The following PRKG2 variants were observed in gnomAD, a reference collection of about 807,000 sequenced individuals.
The protein encoded by PRKG2 is cGMP-dependent protein kinase 2.
Under a neutral mutation model 97.2 loss-of-function variants are expected in PRKG2, and 33 were observed. The ratio of observed to expected loss-of-function variants is 0.34; its 90% CI spans 0.26 to 0.45. The LOEUF is 0.45. Ranked by LOEUF, PRKG2 falls within the 20% of genes least tolerant of loss-of-function variation. The pLI, the probability that PRKG2 is intolerant of heterozygous loss-of-function variation, is 1.00. For missense variants in PRKG2, 638 were observed against 900.0 expected (o/e 0.71, Z 3.73); for synonymous variants, 330 against 321.8 (o/e 1.03, Z -0.27).
At chr4:81,093,846 T>C (rs185715704) in intron 17 of PRKG2, among the ~76,000 whole-genome samples, 1 of 152,216 alleles carries the variant, frequency 6.6e-6, no homozygotes, top group East Asian at 1.9e-4. Flanking sequence ...ATAGAAACAA[T>C]CTACTCTGTC....
intron 2 of PRKG2, among the ~76,000 whole-genome samples, chr4:81,198,034 C>A (rs973047067): frequency 6.6e-6 from 1 of 152,202 alleles, no homozygotes; most frequent in Non-Finnish European, 1.5e-5. Flanking sequence ...ATGTAGCCCA[C>A]AAGGCGAGGG....
chr4:81,115,503 T>G (rs1744428347), intron 14 of PRKG2, among the ~76,000 whole-genome samples: 1 of 152,208 alleles, frequency 6.6e-6, no homozygotes, highest in South Asian at 2.1e-4. Flanking sequence ...TCACAAAAAG[T>G]TCTGCTGGAA....
intron 3 of PRKG2, 35 bp from the exon 4 acceptor site, chr4:81,171,839 A>G (rs1750507436): frequency 7.0e-7 from 1 of 1,433,290 alleles, no homozygotes; most frequent in Non-Finnish European, 9.7e-7. Context: ...ACACACACAA[A>G]TAATCGAAAT....
intron 2 of PRKG2, among the ~76,000 whole-genome samples, chr4:81,198,557 T>G (rs755693275): frequency 4.0e-5 from 6 of 151,792 alleles, no homozygotes; most frequent in Non-Finnish European, 8.8e-5. Context: ...CCACTCACAC[T>G]GTAGGCTGCA....
intron 2 of PRKG2, among the ~76,000 whole-genome samples, chr4:81,198,568 C>T (rs1753106884): frequency 6.6e-6 from 1 of 152,054 alleles, no homozygotes; most frequent in Non-Finnish European, 1.5e-5. Context: ...GTAGGCTGCA[C>T]AGGCTATAAA....
chr4:81,117,864 ACATAAAGATT>A (rs1421460300), intron 14 of PRKG2, among the ~76,000 whole-genome samples: 1 of 152,224 alleles, frequency 6.6e-6, no homozygotes, highest in Non-Finnish European at 1.5e-5. Flanking sequence ...TCCACCTGTT[ACATAAAGATT>A]CACTCTTAGT....
intron 6 of PRKG2, among the ~76,000 whole-genome samples, chr4:81,161,515 G>C (rs1749591086): frequency 6.6e-6 from 1 of 152,140 alleles, no homozygotes; most frequent in Non-Finnish European, 1.5e-5. Flanking sequence ...GGAGCTCAAG[G>C]TATCAATAGG....
intron 15 of PRKG2, 49 bp from the exon 16 acceptor site, chr4:81,105,984 A>C (rs201351164): frequency 6.3e-5 from 98 of 1,563,316 alleles, no homozygotes; most frequent in Non-Finnish European, 8.3e-5. Context: ...AGGGTCTGAG[A>C]TCACATTTGG....
At chr4:81,128,603 A>G (rs1198425174) in intron 14 of PRKG2, among the ~76,000 whole-genome samples, 2 of 152,106 alleles carry the variant, frequency 1.3e-5, no homozygotes, top group Middle Eastern at 3.2e-3. Flanking sequence ...TAGATTTTCT[A>G]GTTTATTTGC....
intron 14 of PRKG2, among the ~76,000 whole-genome samples, chr4:81,121,825 C>T (rs557867867): frequency 1.3e-5 from 2 of 152,160 alleles, no homozygotes; most frequent in African/African-American, 2.4e-5. Context: ...AAGCAACATG[C>T]TAAGTTCAAC....
At chr4:81,106,008 T>TCTTC in intron 15 of PRKG2, 73 bp from the exon 16 acceptor site, 1 of 1,500,914 alleles carries the variant, frequency 6.7e-7, no homozygotes, top group Non-Finnish European at 9.0e-7. Context: ...GAATTTTCTT[T>TCTTC]CTTCCTTCTT....
At chr4:81,199,797 C>A (rs1030209050) in intron 2 of PRKG2, among the ~76,000 whole-genome samples, 2 of 152,170 alleles carry the variant, frequency 1.3e-5, no homozygotes, top group Non-Finnish European at 2.9e-5. Context: ...TTCCACAGTC[C>A]TTTTCCACAT....
chr4:81,160,555 G>T (rs1749522028), intron 6 of PRKG2, among the ~76,000 whole-genome samples: 2 of 152,044 alleles, frequency 1.3e-5, no homozygotes, highest in Non-Finnish European at 2.9e-5. Flanking sequence ...ATGGATATTA[G>T]GAAAATTACC....
At chr4:81,144,417 G>A in intron 9 of PRKG2, 87 bp from the exon 10 acceptor site, 2 of 981,034 alleles carry the variant, frequency 2.0e-6, no homozygotes, top group Non-Finnish European at 1.6e-6. Flanking sequence ...AACACAAGCT[G>A]GTTATTCCTG....
chr4:81,104,530 A>AG, intron 16 of PRKG2, 98 bp from the exon 17 acceptor site: 2 of 519,858 alleles, frequency 3.8e-6, no homozygotes, highest in South Asian at 6.3e-5. Flanking sequence ...CTATTTGTTA[A>AG]TTAATTAATT....
rs573148432 is a variant in PRKG2 at position 81,116,717 on chromosome 4, G to T, written c.1777-6106C>A. ...TTTGTAATGTTAGCCATTATGACTG[G>T]TGTGAGATAGTATCTCACTGTGGTT... is the stretch of plus-strand genomic sequence containing the variant. On this transcript the variant is annotated intron_variant, in intron 14 of 18. Coordinates refer to ENST00000264399, the MANE Select transcript of PRKG2 (RefSeq NM_006259.3). Among the ~76,000 whole-genome samples the T allele has an allele frequency of 2.6e-5, 4 of 152,168 alleles. 1 individual carries two copies. In the East Asian group the frequency reaches 7.7e-4, roughly 29 times the overall value.
In PRKG2 at chr4:81,184,093, T is replaced by C. The variant is rs561898800; in HGVS notation, c.462-9134A>G. Among the ~76,000 whole-genome samples the C allele has an allele frequency of 1.9e-3, 294 of 152,328 alleles. 6 individuals are homozygous for C. The highest frequency in any genetic ancestry group is 3.6e-3 in the Non-Finnish European group (245 of 68,020). On this transcript the variant is annotated intron_variant, in intron 2 of 18. Transcript: ENST00000264399. ...TTCAGCAGACTTAAATGATCCTGCC[T>C]GCTGGCTCTGAAGAGAGCAGCGTAT...
rs988607517 is a variant in PRKG2 at position 81,105,916 on chromosome 4, C to A, written c.1960G>T (p.Asp654Tyr). The change falls in exon 16 of 19, where the codon GAC (aspartate) becomes TAC (tyrosine). Residue 654 changes from aspartate (D) to tyrosine (Y), a missense_variant. Physicochemically the swap from Asp to Tyr is radical, Grantham distance 160 (BLOSUM62 -3). Transcript: ENST00000264399. ...LTGNPPFSGVDQMMTYNLILK... is the reference protein window; with the variant it reads ...LTGNPPFSGVYQMMTYNLILK... ...ATCAAATTGTAGGTCATCATTTGGT[C>A]AACCCCAGAAAAGGGTGGGCTAGAT... The A allele has an allele frequency of 1.9e-6, 3 of 1,613,400 alleles. No individual in the cohort carries two copies. Among genetic ancestry groups the A allele is most frequent in the African/African-American group, 1.3e-5 (1 of 74,860 alleles).
At chr4:81,099,482 T>C (rs1317990627) in intron 17 of PRKG2, among the ~76,000 whole-genome samples, 1 of 152,184 alleles carries the variant, frequency 6.6e-6, no homozygotes, top group Non-Finnish European at 1.5e-5. Context: ...TCTCAATAGA[T>C]GCAGAAAAGG....
Sources: allele counts gnomAD v4.1 joint callset (sites outside exome capture counted in the v4.1 genomes callset), GRCh38; gene constraint gnomAD v4.1.1; transcripts MANE v1.5; gene names NCBI Gene and HGNC (gene_info 2026-07-23, HGNC 2026-07-21).